Variants in FBXL17 observed in about 807,000 individuals in gnomAD.
FBXL17 encodes the protein F-box/LRR-repeat protein 17.
Under a neutral mutation model 66.2 loss-of-function variants are expected in FBXL17, and 22 were observed. That is an observed-to-expected ratio of 0.33 (90% CI 0.24 to 0.47). FBXL17 has a LOEUF of 0.47. Ranked by LOEUF, FBXL17 falls within the 20% of genes least tolerant of loss-of-function variation. The pLI, the probability that FBXL17 is intolerant of heterozygous loss-of-function variation, is 1.00. For missense variants in FBXL17, 878 were observed against 948.2 expected, an observed-to-expected ratio of 0.93 and a Z score of 0.97; for synonymous variants, 474 against 400.5, an observed-to-expected ratio of 1.18 and a Z score of -2.19.
At chr5:108,147,459 G>C (rs2149992747) in intron 6 of FBXL17, among the ~76,000 whole-genome samples, 1 of 152,286 alleles carries the variant, frequency 6.6e-6, no homozygotes. Context: ...GAGATGGTGA[G>C]AGGATTGCTT....
chr5:108,242,410 T>A (rs1436237499), intron 4 of FBXL17, among the ~76,000 whole-genome samples: 2 of 151,624 alleles, frequency 1.3e-5, no homozygotes, highest in African/African-American at 4.9e-5. Context: ...ATTGTAGGGA[T>A]GAGTTTTTGA....
intron 6 of FBXL17, among the ~76,000 whole-genome samples, chr5:108,075,079 C>T (rs912206522): frequency 2.0e-4 from 30 of 152,096 alleles, no homozygotes; most frequent in Non-Finnish European, 3.8e-4. Context: ...AAGATCTAGA[C>T]GGTCTGCCTT....
rs1748123208 is a variant in FBXL17 at position 107,861,591 on chromosome 5, A to G, written c.*129T>C. The G allele has an allele frequency of 4.8e-6, 4 of 838,998 alleles. No individual in the cohort carries two copies. Among genetic ancestry groups the G allele is most frequent in the African/African-American group, 1.8e-5 (1 of 57,026 alleles). The allele number at this position is 838,998 out of a possible 1,614,324, so 52.0% of individuals were successfully genotyped here. On this transcript the variant is annotated 3_prime_UTR_variant, in exon 9 of 9. Transcript: ENST00000542267. ...TTGGTATGCAGTATGCAAACAAGAC[A>G]CAAATACACATACTTGAACACACAC...
At chr5:107,949,468 A>T (rs1008442887) in intron 7 of FBXL17, among the ~76,000 whole-genome samples, 1 of 152,212 alleles carries the variant, frequency 6.6e-6, no homozygotes, top group Non-Finnish European at 1.5e-5. Context: ...CTTTTTACAG[A>T]CAACACATTC....
chr5:108,379,625 T>C (rs557312505), intron 1 of FBXL17, among the ~76,000 whole-genome samples: 1 of 152,342 alleles, frequency 6.6e-6, no homozygotes, highest in African/African-American at 2.4e-5. Context: ...ACGGTAAAAG[T>C]AGCCAAATTC....
At position 108,240,378 on chromosome 5, in the gene FBXL17, A is replaced by G. The variant is rs1173358605; in HGVS notation, c.1507-16150T>C. On this transcript the variant is annotated intron_variant, in intron 4 of 8. Transcript: ENST00000542267. Reference sequence around the variant, plus strand: ...TGGCAGCACTCATCATAAGCTGACTAAAGAGCCTTTGGTCCTTGAATGAAT... The same window carrying G: ...TGGCAGCACTCATCATAAGCTGACTGAAGAGCCTTTGGTCCTTGAATGAAT... 2.0e-5 allele frequency among the ~76,000 whole-genome samples: 3 copies of G among 152,084 alleles called. 1 individual carries two copies. The South Asian group carries it at 6.2e-4, about 32-fold the overall frequency.
At chr5:108,346,507 C>A (rs1747291185) in intron 4 of FBXL17, among the ~76,000 whole-genome samples, 1 of 152,046 alleles carries the variant, frequency 6.6e-6, no homozygotes, top group South Asian at 2.1e-4. Flanking sequence ...AAAACTATTT[C>A]TTTATGTTTA....
In FBXL17 at chr5:108,178,361, G is replaced by C. The variant is rs552272298; in HGVS notation, c.1745+7756C>G. Among the ~76,000 whole-genome samples, 137 of 152,124 alleles carry C rather than the reference G, an allele frequency of 9.0e-4. 3 individuals are homozygous for C. Among genetic ancestry groups the C allele is most frequent in the African/African-American group, 3.1e-3 (129 of 41,534 alleles). Reference sequence around the variant, plus strand: ...ATGCCTGGCCTCATGATTTTTTAAAGATAGTTTGGAAGCCCGGAATAATAG... The same window carrying C: ...ATGCCTGGCCTCATGATTTTTTAAACATAGTTTGGAAGCCCGGAATAATAG... On this transcript the variant is annotated intron_variant, in intron 6 of 8. Transcript: ENST00000542267.
chr5:107,875,334 G>C (rs1561513494), intron 8 of FBXL17, among the ~76,000 whole-genome samples: 1 of 152,058 alleles, frequency 6.6e-6, no homozygotes. Context: ...CTGTACATTA[G>C]TTACAGAGTC....
chr5:108,169,374 A>C (rs1189903719), intron 6 of FBXL17, among the ~76,000 whole-genome samples: 1 of 152,192 alleles, frequency 6.6e-6, no homozygotes, highest in Non-Finnish European at 1.5e-5. Context: ...TCATTCCATA[A>C]ATGTCTATAC....
intron 4 of FBXL17, among the ~76,000 whole-genome samples, chr5:108,288,897 A>C (rs981610613): frequency 6.6e-6 from 1 of 152,146 alleles, no homozygotes; most frequent in African/African-American, 2.4e-5. Flanking sequence ...ACTTTTAATT[A>C]CTTGAATGAA....
intron 6 of FBXL17, among the ~76,000 whole-genome samples, chr5:108,130,526 T>G (rs536923177): frequency 6.6e-6 from 1 of 152,106 alleles, no homozygotes; most frequent in Non-Finnish European, 1.5e-5. Context: ...CTTTTCAAGA[T>G]TTTAACTCGG....
intron 6 of FBXL17, among the ~76,000 whole-genome samples, chr5:108,066,366 C>A (rs186962709): frequency 6.6e-5 from 10 of 152,060 alleles, no homozygotes; most frequent in Admixed American, 5.9e-4. Context: ...TCTTTTTTGA[C>A]ATAAAAAGTT....
At chr5:108,073,463 C>G (rs1213420984) in intron 6 of FBXL17, among the ~76,000 whole-genome samples, 1 of 151,514 alleles carries the variant, frequency 6.6e-6, no homozygotes, top group East Asian at 1.9e-4. Context: ...TACAAGGACC[C>G]AAATTGAAGT....
At chr5:108,089,121 T>C (rs1749091528) in intron 6 of FBXL17, among the ~76,000 whole-genome samples, 1 of 152,218 alleles carries the variant, frequency 6.6e-6, no homozygotes, top group Non-Finnish European at 1.5e-5. Context: ...AAAGGTATTC[T>C]GAATTTATGT....
intron 6 of FBXL17, among the ~76,000 whole-genome samples, chr5:108,075,474 C>T (rs551011828): frequency 6.6e-6 from 1 of 152,144 alleles, no homozygotes; most frequent in East Asian, 1.9e-4. Context: ...GTTTGAATCC[C>T]GTGTTGTTTG....
chr5:107,905,617 C>A (rs977307832), intron 7 of FBXL17, among the ~76,000 whole-genome samples: 1 of 152,068 alleles, frequency 6.6e-6, no homozygotes, highest in African/African-American at 2.4e-5. Flanking sequence ...ATACAGCCAA[C>A]AACAGGTCAT....
intron 7 of FBXL17, among the ~76,000 whole-genome samples, chr5:108,009,308 T>TATATATATATATAC: frequency 2.4e-5 from 1 of 42,220 alleles, no homozygotes; most frequent in African/African-American, 8.8e-5. Context: ...TATACATATA[T>TATATATATATATAC]ACATACACAT....
chr5:107,894,874 A>G (rs151113448), intron 7 of FBXL17, among the ~76,000 whole-genome samples: 2 of 152,194 alleles, frequency 1.3e-5, no homozygotes, highest in African/African-American at 2.4e-5. Flanking sequence ...ATTTACATCA[A>G]TTAAGACAAA....
Sources: gnomAD v4.1 joint callset for allele counts (sites outside exome capture counted in the v4.1 genomes callset) on GRCh38, gnomAD v4.1.1 for gene constraint, MANE v1.5 for transcripts, NCBI Gene and HGNC (gene_info 2026-07-23, HGNC 2026-07-21) for gene names.